The following FBN3 variants were observed in gnomAD, a reference collection of about 807,000 sequenced individuals.
The protein encoded by FBN3 is fibrillin-3.
FBN3 carries 234 observed loss-of-function variants against 330.1 expected under a neutral mutation model. The observed-to-expected ratio is 0.71, with a 90% confidence interval of 0.64 to 0.79. The LOEUF is 0.79. FBN3 is among the 30% of genes least tolerant of loss of function. The pLI, the probability that FBN3 is intolerant of heterozygous loss-of-function variation, is 0.00. For synonymous variants in FBN3, 1,458 were observed against 1,517.3 expected (o/e 0.96, Z 0.91); for missense variants, 3,606 against 3,886.9 (o/e 0.93, Z 1.92).
In FBN3 at chr19:8,074,290, G is replaced by T. The variant is rs546231536; in HGVS notation, c.7702+781C>A. ...CCCCAGGGGACAAGCAGCTTGCCTGGGGGGTGGGGTCGTGTGGTGTGGGAA... is the reference window on the plus strand; with the variant it reads ...CCCCAGGGGACAAGCAGCTTGCCTGTGGGGTGGGGTCGTGTGGTGTGGGAA... On this transcript the variant is annotated intron_variant, in intron 61 of 63. Coordinates refer to ENST00000600128, the MANE Select transcript of FBN3 (RefSeq NM_032447.5). Among the ~76,000 whole-genome samples, 22 of 152,218 alleles carry T rather than the reference G, an allele frequency of 1.4e-4. No homozygotes were observed. In the South Asian group the frequency reaches 4.4e-3, roughly 30 times the overall value.
chr19:8,139,451 G>A lies in FBN3; in HGVS notation c.866-887C>T, dbSNP rs1046884618. Among the ~76,000 whole-genome samples, 5 of 152,250 alleles carry A rather than the reference G, an allele frequency of 3.3e-5. No homozygotes were observed. In the South Asian group the frequency reaches 6.2e-4, roughly 19 times the overall value. On this transcript the variant is annotated intron_variant, in intron 8 of 63. Transcript: ENST00000600128. ...CCAAGTTATCGCACAGAGGTAGTGA[G>A]CTCCCCGTCGCTGCAGGCATCCAAC... is the stretch of plus-strand genomic sequence containing the variant.
At chr19:8,070,081 G>A (rs2081479694) in intron 63 of FBN3, among the ~76,000 whole-genome samples, 1 of 152,054 alleles carries the variant, frequency 6.6e-6, no homozygotes, top group Admixed American at 6.5e-5. Context: ...CCCTTATGAA[G>A]TTTACAGAAA....
At chr19:8,119,232 A>T (rs567080268) in intron 25 of FBN3, among the ~76,000 whole-genome samples, 1 of 152,250 alleles carries the variant, frequency 6.6e-6, no homozygotes, top group East Asian at 1.9e-4. Context: ...AGGGAGGCTG[A>T]GATTCTCAGA....
At chr19:8,086,125 G>A in intron 55 of FBN3, 75 bp downstream of exon 55, 3 of 1,102,194 alleles carry the variant, frequency 2.7e-6, no homozygotes, top group South Asian at 1.5e-5. Flanking sequence ...GGGGGAACAG[G>A]CAGTGGGGGG....
In FBN3 at chr19:8,081,377, C is replaced by T. The variant is rs766544832; in HGVS notation, c.7317G>A (p.Glu2439=). 2.5e-6 allele frequency: 4 copies of T among 1,607,890 alleles called. No homozygotes were observed. Among genetic ancestry groups the T allele is most frequent in the Non-Finnish European group, 3.4e-6 (4 of 1,177,076 alleles). Residue 2439 remains glutamate, a synonymous_variant, in exon 58 of 64, where the codon GAG becomes GAA. Transcript: ENST00000600128. The part of the protein sequence containing the change: ...CSCPRGYLLE[E]DGRTCKDLDE... ...CATCACCTTTGCAGGTCCTGCCATC[C>T]TCCTCCAGCAGGTAGCCTCGGGGAC...
chr19:8,109,077 T>C lies in FBN3; in HGVS notation c.4618+150A>G. The stretch of plus-strand genomic sequence containing the variant: ...CAATGAACTACCAAGACGTACACTG[T>C]GTGACCCAGGATGAGCCCCTCTCCT... On this transcript the variant is annotated intron_variant, in intron 36 of 63. Transcript: ENST00000600128. This position sits in a 1 kb window ranked among gnomAD's most constrained non-coding sequence, Gnocchi z 5.2. 1.4e-6 allele frequency: 1 copy of C among 703,912 alleles called. No individual in the cohort carries two copies. The highest frequency in any genetic ancestry group is 1.9e-5 in the South Asian group (1 of 53,168). The allele number at this position is 703,912 out of a possible 1,614,324, so 43.6% of individuals were successfully genotyped here. A position where few individuals can be genotyped will look rare whatever the true frequency, so the allele number is the denominator to read the frequency against.
chr19:8,123,435 T>C, intron 24 of FBN3, 29 bp downstream of exon 24: 2 of 1,607,288 alleles, frequency 1.2e-6, no homozygotes, highest in Non-Finnish European at 1.7e-6. Context: ...AGGATCACGC[T>C]CTCTCCAAGA....
At chr19:8,108,766 C>T (rs1280478071) in intron 36 of FBN3, among the ~76,000 whole-genome samples, 2 of 152,100 alleles carry the variant, frequency 1.3e-5, no homozygotes. Flanking sequence ...AAGCCTCCTC[C>T]CCTGGAAAGC....
At chr19:8,084,142 A>T (rs73503753) in intron 56 of FBN3, among the ~76,000 whole-genome samples, 6,718 of 152,014 alleles carry the variant, frequency 0.044, 504 homozygotes, top group African/African-American at 0.15. Context: ...TGGATAACCC[A>T]TCTCACTATC....
Position 8,109,224 on chromosome 19 carries a change from C to CA in FBN3, c.4618+2dup. On this transcript the variant is annotated splice_region_variant and intron_variant, in intron 36 of 63. Coordinates refer to ENST00000600128, the MANE Select transcript of FBN3 (RefSeq NM_032447.5). The surrounding 1 kb of genome is among the most constrained non-coding windows in gnomAD (Gnocchi z 5.2). ...GGTGTTCAACTGCCCCGCAGGGACT[C>CA]ACTGGTGTTGGCCATAGGGCACAGC... 1.2e-6 allele frequency: 2 copies of CA among 1,613,988 alleles called. No homozygotes were observed. The highest frequency in any genetic ancestry group is 1.7e-4 in the Middle Eastern group (1 of 6,052).
At chr19:8,090,274 C>A in intron 48 of FBN3, 23 bp from the exon 49 acceptor site, 1 of 1,612,782 alleles carries the variant, frequency 6.2e-7, no homozygotes, top group Non-Finnish European at 8.5e-7. Flanking sequence ...GGCTCCATTA[C>A]CCTGATTGAA....
At chr19:8,097,975 G>A (rs74809476) in intron 41 of FBN3, among the ~76,000 whole-genome samples, 4,874 of 152,302 alleles carry the variant, frequency 0.032, 270 homozygotes, top group African/African-American at 0.11. Context: ...GTTGCCAGGG[G>A]CAGAAGGGAG....
chr19:8,115,396 G>A, intron 30 of FBN3, 119 bp downstream of exon 30: 1 of 1,290,786 alleles, frequency 7.7e-7, no homozygotes, highest in Non-Finnish European at 1.1e-6. Context: ...AGCCATCCGT[G>A]GAAATCTATG....
At chr19:8,135,092 CCTCAGCCTCCT>C in intron 13 of FBN3, among the ~76,000 whole-genome samples, 1 of 151,576 alleles carries the variant, frequency 6.6e-6, no homozygotes, top group Non-Finnish European at 1.5e-5. Flanking sequence ...GATCCTCCTG[CCTCAGCCTCCT>C]GAGTAGCTGG....
chr19:8,124,070 C>T (rs1417615477), intron 22 of FBN3, 62 bp from the exon 23 acceptor site: 17 of 1,399,002 alleles, frequency 1.2e-5, no homozygotes, highest in African/African-American at 2.8e-5. Context: ...GCGGGACAGG[C>T]GTGCCGCTCA....
intron 24 of FBN3, 28 bp downstream of exon 24, chr19:8,123,436 C>T (rs376020958): frequency 1.0e-5 from 16 of 1,608,022 alleles, no homozygotes; most frequent in Admixed American, 1.7e-5. Flanking sequence ...GGATCACGCT[C>T]TCTCCAAGAG....
rs1363395427 is a variant in FBN3 at position 8,103,658 on chromosome 19, T to G, written c.4843A>C (p.Ile1615Leu). 6.2e-7 allele frequency: 1 copy of G among 1,613,704 alleles called. No homozygotes were observed. The highest frequency in any genetic ancestry group is 8.5e-7 in the Non-Finnish European group (1 of 1,179,724). The change falls in exon 39 of 64, where the codon ATC (isoleucine) becomes CTC (leucine). Residue 1615 changes from isoleucine to leucine, a missense_variant. Physicochemically the swap from Ile to Leu is conservative, Grantham distance 5 (BLOSUM62 2). Coordinates refer to ENST00000600128, the MANE Select transcript of FBN3 (RefSeq NM_032447.5). ...DIDECSTHSG[I>L]CGPGTCYNTL... ...TTGTAGCAGGTGCCAGGGCCACAGA[T>G]GCCGGAGTGTGTGGAGCATTCGTCA...
At chr19:8,112,657 T>A (rs558235784) in intron 30 of FBN3, among the ~76,000 whole-genome samples, 7 of 151,686 alleles carry the variant, frequency 4.6e-5, no homozygotes, top group African/African-American at 1.5e-4. Flanking sequence ...CTCAAAAAAA[T>A]AAATAAATAA....
Position 8,087,122 on chromosome 19 carries a change from G to A in FBN3, c.6709C>T (p.Pro2237Ser), listed in dbSNP as rs758092861. ...NLIGTFACVC[P>S]PGMRPLPGSG... Reference sequence around the variant, plus strand: ...CCAGGCAGGGGCCGCATGCCTGGGGGACAGACGCACGCGAAGGTACCGATG... The same window carrying A: ...CCAGGCAGGGGCCGCATGCCTGGGGAACAGACGCACGCGAAGGTACCGATG... The change falls in exon 54 of 64, where the codon CCC becomes TCC. Residue 2237 changes from proline (P) to serine (S), a missense_variant. Coordinates refer to ENST00000600128, the MANE Select transcript of FBN3 (RefSeq NM_032447.5). The A allele has an allele frequency of 1.2e-6, 2 of 1,610,836 alleles. No homozygotes were observed. The highest frequency in any genetic ancestry group is 1.1e-5 in the South Asian group (1 of 90,942).
Sources: gnomAD v4.1 joint callset for allele counts (sites outside exome capture counted in the v4.1 genomes callset) on GRCh38, gnomAD v4.1.1 for gene constraint, Gnocchi (gnomAD v3.1) non-coding constraint, MANE v1.5 for transcripts, NCBI Gene and HGNC (gene_info 2026-07-23, HGNC 2026-07-21) for gene names.